Variants in BCAS3 observed in about 807,000 individuals in gnomAD.
BCAS3 encodes BCAS3 microtubule associated cell migration factor.
In BCAS3, 53 loss-of-function variants were observed where a neutral mutation model predicts 116.1. The observed-to-expected ratio is 0.46, with a 90% CI of 0.37 to 0.57. The LOEUF (loss-of-function observed/expected upper bound fraction) is 0.57. BCAS3 is among the 20% of genes least tolerant of loss of function. BCAS3 has a pLI of 0.00. For missense variants in BCAS3, 917 were observed against 1,165.4 expected (o/e 0.79, Z 3.10); for synonymous variants, 391 against 408.2 (o/e 0.96, Z 0.51).
At chr17:61,099,905 C>T (rs2074216948) in intron 22 of BCAS3, among the ~76,000 whole-genome samples, 1 of 152,148 alleles carries the variant, frequency 6.6e-6, no homozygotes, top group East Asian at 1.9e-4. Context: ...TTCCATTAAG[C>T]CAAAACATTT....
At chr17:60,854,530 C>A (rs1000372328) in intron 7 of BCAS3, among the ~76,000 whole-genome samples, 1 of 152,048 alleles carries the variant, frequency 6.6e-6, no homozygotes, top group Non-Finnish European at 1.5e-5. Context: ...AAAAAGTGGG[C>A]GAAGGATATG....
intron 22 of BCAS3, among the ~76,000 whole-genome samples, chr17:61,174,516 A>T (rs2079029042): frequency 6.6e-6 from 1 of 152,220 alleles, no homozygotes; most frequent in Non-Finnish European, 1.5e-5. Flanking sequence ...AAGGCTGAAT[A>T]GTATTCCATT....
At chr17:60,742,165 C>T (rs1012466316) in intron 5 of BCAS3, among the ~76,000 whole-genome samples, 25 of 152,274 alleles carry the variant, frequency 1.6e-4, no homozygotes, top group African/African-American at 5.8e-4. Flanking sequence ...ATAATCTTTT[C>T]TACAGAGTGG....
chr17:61,312,226 A>G (rs544964063), intron 22 of BCAS3, among the ~76,000 whole-genome samples: 2 of 152,110 alleles, frequency 1.3e-5, no homozygotes, highest in African/African-American at 4.8e-5. Flanking sequence ...TGTTGTGCTT[A>G]TTTGCTCTCT....
Position 60,874,665 on chromosome 17 carries a change from C to A in BCAS3, c.588C>A (p.Ile196=). The part of the protein sequence containing the change: ...PIYDLHCNKR[I]LVVVLQEKIA... ...TTTTTTCTCTCTCTAATTTTAGGAT[C>A]CTTGTCGTAGTCTTGCAGGAGAAAA... is the stretch of plus-strand genomic sequence containing the variant. Residue 196 remains isoleucine (I), a synonymous_variant, in exon 9 of 24, where the codon ATC becomes ATA. Coordinates refer to ENST00000407086, the MANE Select transcript of BCAS3 (RefSeq NM_017679.5). 1 of 1,601,590 alleles carries A rather than the reference C, an allele frequency of 6.2e-7. No individual in the cohort carries two copies. The highest frequency in any genetic ancestry group is 8.5e-7 in the Non-Finnish European group (1 of 1,172,110).
Position 61,065,757 on chromosome 17 carries a change from T to C in BCAS3, c.2030-9163T>C, listed in dbSNP as rs1568267151. Among the ~76,000 whole-genome samples, 1 of 152,154 alleles carries C rather than the reference T, an allele frequency of 6.6e-6. No individual in the cohort carries two copies. Among genetic ancestry groups the C allele is most frequent in the East Asian group, 1.9e-4 (1 of 5,204 alleles). ...GTGTCTGGTCCTGAATCTGAAGAAT[T>C]CCACTGCCCATATAAAACTCAGCTG... is the stretch of plus-strand genomic sequence containing the variant. On this transcript the variant is annotated intron_variant, in intron 19 of 23. Coordinates refer to ENST00000407086, the MANE Select transcript of BCAS3 (RefSeq NM_017679.5). The surrounding 1 kb of genome is among the most constrained non-coding windows in gnomAD (Gnocchi z 4.8).
rs2079988570 is a variant in BCAS3 at position 61,189,707 on chromosome 17, G to A, written c.2425+105143G>A. On this transcript the variant is annotated intron_variant, in intron 22 of 23. Transcript: ENST00000407086. The surrounding 1 kb of genome is among the most constrained non-coding windows in gnomAD (Gnocchi z 4.5). Reference sequence around the variant, plus strand: ...TGGATATCAGTCATGAGGAGAAGGGGGAAGAGTTTAATATAAATCCCAGGT... The same window carrying A: ...TGGATATCAGTCATGAGGAGAAGGGAGAAGAGTTTAATATAAATCCCAGGT... Among the ~76,000 whole-genome samples, 1 of 152,024 alleles carries A rather than the reference G, an allele frequency of 6.6e-6. No individual in the cohort carries two copies. Among genetic ancestry groups the A allele is most frequent in the South Asian group, 2.1e-4 (1 of 4,818 alleles).
intron 22 of BCAS3, among the ~76,000 whole-genome samples, chr17:61,338,579 A>G (rs1379301752): frequency 6.6e-6 from 1 of 152,092 alleles, no homozygotes; most frequent in Non-Finnish European, 1.5e-5. Flanking sequence ...GGTTAGGGGT[A>G]GCAGATGTTG....
chr17:61,340,163 G>A, intron 22 of BCAS3, among the ~76,000 whole-genome samples: 1 of 152,146 alleles, frequency 6.6e-6, no homozygotes, highest in East Asian at 1.9e-4. Context: ...GGGAAAGAGA[G>A]AAATGGGGGC....
Position 61,136,037 on chromosome 17 carries a change from G to GCCT in BCAS3, c.2425+51480_2425+51482dup, listed in dbSNP as rs1297169293. ...TGCCATGGCCACCGCCACTGCCGCC[G>GCCT]CCTCCTCCTTCTTCCCTGCACCCCT... On this transcript the variant is annotated intron_variant, in intron 22 of 23. Coordinates refer to ENST00000407086, the MANE Select transcript of BCAS3 (RefSeq NM_017679.5). This position sits in a 1 kb window ranked among gnomAD's most constrained non-coding sequence, Gnocchi z 4.4. 1 of 159,118 alleles carries GCCT rather than the reference G, an allele frequency of 6.3e-6. No individual in the cohort carries two copies. Among genetic ancestry groups the GCCT allele is most frequent in the Non-Finnish European group, 1.4e-5 (1 of 72,338 alleles). The allele number at this position is 159,118 out of a possible 1,614,324, so 9.9% of individuals were successfully genotyped here.
rs946514740 is a variant in BCAS3 at position 61,032,374 on chromosome 17, A to G, written c.1638-2292A>G. On this transcript the variant is annotated intron_variant, in intron 16 of 23. Transcript: ENST00000407086. This position sits in a 1 kb window ranked among gnomAD's most constrained non-coding sequence, Gnocchi z 4.6. ...GTCGCACAATTGCAAACTGCTTTCA[A>G]AAAATTCTACAATACTTTTCTCTTT... Among the ~76,000 whole-genome samples the G allele has an allele frequency of 6.6e-6, 1 of 152,142 alleles. No homozygotes were observed. The highest frequency in any genetic ancestry group is 2.1e-4 in the South Asian group (1 of 4,826).
chr17:60,925,165 C>T (rs2059306131), intron 13 of BCAS3, among the ~76,000 whole-genome samples: 1 of 152,130 alleles, frequency 6.6e-6, no homozygotes, highest in Non-Finnish European at 1.5e-5. Flanking sequence ...AAGTAATTCT[C>T]CTGCCTTAGC....
Position 61,068,173 on chromosome 17 carries a change from A to G in BCAS3, c.2030-6747A>G, listed in dbSNP as rs2070924664. Among the ~76,000 whole-genome samples, 2 of 152,200 alleles carry G rather than the reference A, an allele frequency of 1.3e-5. No individual in the cohort carries two copies. The highest frequency in any genetic ancestry group is 1.3e-4 in the Admixed American group (2 of 15,282). ...TTTTTCTTTAGGGTAGCTATTTTGT[A>G]TCTTGGTCCATTGAACTTGGATTTG... is the stretch of plus-strand genomic sequence containing the variant. On this transcript the variant is annotated intron_variant, in intron 19 of 23. Transcript: ENST00000407086. The surrounding 1 kb of genome is among the most constrained non-coding windows in gnomAD (Gnocchi z 4.3).
In BCAS3 at chr17:61,079,623, T is replaced by A. The variant is rs541117464; in HGVS notation, c.2327+1094T>A. Among the ~76,000 whole-genome samples the A allele has an allele frequency of 3.3e-5, 5 of 152,148 alleles. No individual in the cohort carries two copies. In the East Asian group the frequency reaches 7.7e-4, roughly 23 times the overall value. ...TTTTATTTTATTTTTTGAGACGGAG[T>A]CTTGCTCTGTCACTCAGGCTGGAGT... On this transcript the variant is annotated intron_variant, in intron 21 of 23. Transcript: ENST00000407086.
At chr17:61,142,517 G>T (rs529848731) in intron 22 of BCAS3, among the ~76,000 whole-genome samples, 30 of 152,164 alleles carry the variant, frequency 2.0e-4, no homozygotes, top group Non-Finnish European at 4.1e-4. Context: ...TTTGTATAGT[G>T]CCCTGGGAGT....
rs2145285244 is a variant in BCAS3, at chr17:60,956,032, G to T, written c.1221+8680G>T. 6.6e-6 allele frequency among the ~76,000 whole-genome samples: 1 copy of T among 152,242 alleles called. No homozygotes were observed. The highest frequency in any genetic ancestry group is 3.4e-3 in the Middle Eastern group (1 of 294). Reference sequence around the variant, plus strand: ...TTTTGTACTTATAAAAATTTACAAGGTTTTTGGGGCAGTAATTTAAAACTA... The same window carrying T: ...TTTTGTACTTATAAAAATTTACAAGTTTTTTGGGGCAGTAATTTAAAACTA... On this transcript the variant is annotated intron_variant, in intron 14 of 23. Coordinates refer to ENST00000407086, the MANE Select transcript of BCAS3 (RefSeq NM_017679.5). This position sits in a 1 kb window ranked among gnomAD's most constrained non-coding sequence, Gnocchi z 4.2.
chr17:61,197,366 A>G (rs1385875470), intron 22 of BCAS3, among the ~76,000 whole-genome samples: 3 of 152,220 alleles, frequency 2.0e-5, no homozygotes, highest in Non-Finnish European at 4.4e-5. Flanking sequence ...AGCTTACATA[A>G]TGAATACATT....
rs1392289534 is a variant in BCAS3, at chr17:61,276,104, A to C, written c.2426-92223A>C. 6.6e-6 allele frequency among the ~76,000 whole-genome samples: 1 copy of C among 152,128 alleles called. No homozygotes were observed. The highest frequency in any genetic ancestry group is 1.5e-5 in the Non-Finnish European group (1 of 68,026). On this transcript the variant is annotated intron_variant, in intron 22 of 23. Coordinates refer to ENST00000407086, the MANE Select transcript of BCAS3 (RefSeq NM_017679.5). This position sits in a 1 kb window ranked among gnomAD's most constrained non-coding sequence, Gnocchi z 4.2. ...GGTGGCTCACGCGTGTAATCTCAGC[A>C]CTTTGGGAGGCTGAGGTGGGCGGAT...
rs1404845770 is a variant in BCAS3, at chr17:61,126,685, T to C, written c.2425+42121T>C. Among the ~76,000 whole-genome samples, 1 of 152,200 alleles carries C rather than the reference T, an allele frequency of 6.6e-6. No homozygotes were observed. The highest frequency in any genetic ancestry group is 1.5e-5 in the Non-Finnish European group (1 of 68,016). On this transcript the variant is annotated intron_variant, in intron 22 of 23. Transcript: ENST00000407086. This position sits in a 1 kb window ranked among gnomAD's most constrained non-coding sequence, Gnocchi z 4.6. ...TTCCTTTTTAGCTGCTGATTTCTAC[T>C]GGGAAATGTATCCTTGGACTGAAAA... is the stretch of plus-strand genomic sequence containing the variant.
Sources: allele counts gnomAD v4.1 joint callset (sites outside exome capture counted in the v4.1 genomes callset), GRCh38; gene constraint gnomAD v4.1.1; non-coding constraint Gnocchi (gnomAD v3.1); transcripts MANE v1.5; gene names NCBI Gene and HGNC (gene_info 2026-07-23, HGNC 2026-07-21).